ERGIC1: variants seen among roughly 807,000 people sequenced by gnomAD.
ERGIC1 encodes the protein endoplasmic reticulum-golgi intermediate compartment 1, also known as endoplasmic reticulum-Golgi intermediate compartment protein 1.
ERGIC1 carries 19 observed loss-of-function variants against 38.3 expected under a neutral mutation model. The observed-to-expected ratio is 0.50, with a 90% CI of 0.35 to 0.73. The LOEUF (loss-of-function observed/expected upper bound fraction) is 0.73. Among genes scored for constraint, ERGIC1 ranks in the 30% least tolerant of loss-of-function variants. The probability of loss-of-function intolerance (pLI) is 0.01; values close to 1 mark genes in which losing one functional copy is unlikely to be tolerated. For missense variants in ERGIC1, 294 were observed against 389.2 expected, an observed-to-expected ratio of 0.76 and a Z score of 2.06; for synonymous variants, 124 against 157.6, an observed-to-expected ratio of 0.79 and a Z score of 1.60.
chr5:172,905,453 G>A (rs1262181942), intron 3 of ERGIC1: 1 of 468,422 alleles, frequency 2.1e-6, no homozygotes, highest in Non-Finnish European at 4.4e-6. Context: ...GGATTCCAAG[G>A]AATGGAACGT....
chr5:172,925,665 T>A (rs1435710686), intron 6 of ERGIC1, among the ~76,000 whole-genome samples: 1 of 152,096 alleles, frequency 6.6e-6, no homozygotes, highest in African/African-American at 2.4e-5. Context: ...TGGGCCTGTC[T>A]CCATACTTAA....
At chr5:172,875,637 C>T (rs1762125571) in intron 1 of ERGIC1, among the ~76,000 whole-genome samples, 1 of 152,160 alleles carries the variant, frequency 6.6e-6, no homozygotes, top group South Asian at 2.1e-4. Flanking sequence ...TCCTGTTGCC[C>T]AGGCTGGAGT....
intron 9 of ERGIC1, among the ~76,000 whole-genome samples, chr5:172,939,461 A>G (rs579322): frequency 0.048 from 7,307 of 152,330 alleles, 248 homozygotes; most frequent in African/African-American, 0.1. Flanking sequence ...GGCAGGTGAC[A>G]AACTCCCCAG....
intron 1 of ERGIC1, among the ~76,000 whole-genome samples, chr5:172,842,443 C>T (rs1052616091): frequency 6.6e-6 from 1 of 152,168 alleles, no homozygotes; most frequent in African/African-American, 2.4e-5. Context: ...AGGTTGTTTC[C>T]ACATCTTGGC....
intron 3 of ERGIC1, among the ~76,000 whole-genome samples, chr5:172,904,263 T>C (rs555613773): frequency 1.3e-5 from 2 of 152,380 alleles, no homozygotes; most frequent in South Asian, 4.1e-4. Context: ...ACCATCACTC[T>C]GATGAAGACA....
chr5:172,934,954 T>C (rs953504699), intron 8 of ERGIC1: 9 of 550,810 alleles, frequency 1.6e-5, no homozygotes, highest in Non-Finnish European at 2.6e-5. Context: ...TGCTTGCAGC[T>C]CACTTGGTCA....
intron 1 of ERGIC1, among the ~76,000 whole-genome samples, chr5:172,882,071 T>C (rs755345386): frequency 6.6e-6 from 1 of 152,228 alleles, no homozygotes; most frequent in East Asian, 1.9e-4. Flanking sequence ...ACATTCATGC[T>C]GACTCACTTG....
At chr5:172,856,306 G>A (rs1048467475) in intron 1 of ERGIC1, among the ~76,000 whole-genome samples, 1 of 152,234 alleles carries the variant, frequency 6.6e-6, no homozygotes, top group East Asian at 1.9e-4. Context: ...GAGCCCTGTT[G>A]GAAAGGTGAG....
At chr5:172,921,953 G>C (rs554133452) in intron 5 of ERGIC1, among the ~76,000 whole-genome samples, 124 of 152,346 alleles carry the variant, frequency 8.1e-4, no homozygotes, top group Non-Finnish European at 1.5e-3. Context: ...ATTGAGCCGG[G>C]GGCCTTCCCT....
chr5:172,882,844 C>T (rs1762318151), intron 1 of ERGIC1, among the ~76,000 whole-genome samples: 1 of 152,118 alleles, frequency 6.6e-6, no homozygotes, highest in Non-Finnish European at 1.5e-5. Context: ...TAAACCAGCA[C>T]CTAAAATTCA....
intron 1 of ERGIC1, among the ~76,000 whole-genome samples, chr5:172,855,079 C>G (rs1328806308): frequency 2.0e-5 from 3 of 152,202 alleles, no homozygotes; most frequent in African/African-American, 7.2e-5. Flanking sequence ...CTTCAGACAC[C>G]TACCTGGGCT....
chr5:172,869,477 G>C (rs1269803067), intron 1 of ERGIC1, among the ~76,000 whole-genome samples: 3 of 152,150 alleles, frequency 2.0e-5, no homozygotes, highest in African/African-American at 7.2e-5. Context: ...GTGGGTCCAG[G>C]CTCCCTCTGG....
chr5:172,876,623 C>A (rs940826994), intron 1 of ERGIC1, among the ~76,000 whole-genome samples: 2 of 152,144 alleles, frequency 1.3e-5, no homozygotes, highest in African/African-American at 2.4e-5. Context: ...TGTCACATGT[C>A]TAAAGTGTAC....
At chr5:172,851,697 C>T (rs1761410856) in intron 1 of ERGIC1, among the ~76,000 whole-genome samples, 1 of 151,798 alleles carries the variant, frequency 6.6e-6, no homozygotes, top group Non-Finnish European at 1.5e-5. Context: ...CTTCAGGTGC[C>T]CGAGGACCCC....
chr5:172,908,351 G>A (rs1417216871), intron 3 of ERGIC1, among the ~76,000 whole-genome samples: 1 of 98,260 alleles, frequency 1.0e-5, no homozygotes, highest in Non-Finnish European at 2.1e-5. Context: ...GGAGGGGGGG[G>A]GTGGATCATG....
chr5:172,859,073 G>A lies in ERGIC1; in HGVS notation c.20+24640G>A, dbSNP rs184016457. Among the ~76,000 whole-genome samples the A allele has an allele frequency of 4.1e-3, 625 of 152,290 alleles. 1 individual carries two copies. Among genetic ancestry groups the A allele is most frequent in the African/African-American group, 0.014 (591 of 41,556 alleles). On this transcript the variant is annotated intron_variant, in intron 1 of 9. Transcript: ENST00000393784. ...GGTCGTCATCGGCGCCCTTACCGGG[G>A]AGGGCTCTGCTCCCCTAAATGCCCC...
intron 7 of ERGIC1, among the ~76,000 whole-genome samples, chr5:172,928,619 C>A (rs1763707815): frequency 6.7e-6 from 1 of 150,362 alleles, no homozygotes; most frequent in Admixed American, 7.4e-5. Context: ...TGGCACTCTG[C>A]CTTGCCCACT....
chr5:172,849,170 C>T (rs1761345246), intron 1 of ERGIC1, among the ~76,000 whole-genome samples: 1 of 152,214 alleles, frequency 6.6e-6, no homozygotes, highest in Non-Finnish European at 1.5e-5. Flanking sequence ...CAAACCCAAG[C>T]CCTAGCTCTA....
intron 1 of ERGIC1, among the ~76,000 whole-genome samples, chr5:172,878,223 G>A (rs1338762092): frequency 6.6e-6 from 1 of 152,174 alleles, no homozygotes; most frequent in African/African-American, 2.4e-5. Context: ...GAGCTGCAGG[G>A]AGAAAACCTT....
Sources: allele counts gnomAD v4.1 joint callset (sites outside exome capture counted in the v4.1 genomes callset), GRCh38; gene constraint gnomAD v4.1.1; transcripts MANE v1.5; gene names NCBI Gene and HGNC (gene_info 2026-07-23, HGNC 2026-07-21).